LRRC43: variants seen among roughly 807,000 people sequenced by gnomAD.
The protein encoded by LRRC43 is leucine-rich repeat-containing protein 43.
LRRC43 carries 62 observed loss-of-function variants against 64.3 expected under a neutral mutation model. That is an observed-to-expected ratio of 0.96 (90% CI 0.79 to 1.19). The LOEUF (loss-of-function observed/expected upper bound fraction) is 1.19. LRRC43 is among the 50% of genes most tolerant of loss of function. The pLI, the probability that LRRC43 is intolerant of heterozygous loss-of-function variation, is 0.00. For synonymous variants in LRRC43, 422 were observed against 382.3 expected (o/e 1.10, Z -1.21); for missense variants, 868 against 845.0 (o/e 1.03, Z -0.34).
rs899301827 is a variant in LRRC43 at position 122,190,216 on chromosome 12, T to A, written c.749T>A (p.Leu250Gln). The A allele has an allele frequency of 4.3e-6, 7 of 1,614,100 alleles. No homozygotes were observed. Among genetic ancestry groups the A allele is most frequent in the Middle Eastern group, 1.7e-4 (1 of 6,060 alleles). ...ACCAGCCTGAGGACCCTCCGGCACC[T>A]GCGACTCCTGGTGCTGCAGGGAAAC... ...MVTSLRTLRH[L>Q]RLLVLQGNPL... Residue 250 changes from leucine (L) to glutamine (Q), a missense_variant, in exon 5 of 12, where the codon CTG (leucine) becomes CAG (glutamine). Leu to Gln is a moderately radical substitution (Grantham distance 113). Coordinates refer to ENST00000339777, the MANE Select transcript of LRRC43 (RefSeq NM_001098519.2).
chr12:122,176,028 G>A (rs140898741), intron 1 of LRRC43, among the ~76,000 whole-genome samples: 22 of 152,274 alleles, frequency 1.4e-4, no homozygotes, highest in African/African-American at 4.6e-4. Context: ...CGGGAATAGC[G>A]GTGAAGAAGT....
chr12:122,189,453 G>A (rs781227103), intron 4 of LRRC43: 10 of 456,568 alleles, frequency 2.2e-5, no homozygotes, highest in East Asian at 1.4e-4. Context: ...TGCTGACAGC[G>A]GCCGCTTGTG....
At chr12:122,193,846 C>A (rs1032540419) in intron 7 of LRRC43, among the ~76,000 whole-genome samples, 10 of 152,228 alleles carry the variant, frequency 6.6e-5, no homozygotes, top group Non-Finnish European at 1.2e-4. Context: ...AGGCGTCAGC[C>A]ATCGCGCCCA....
intron 1 of LRRC43, among the ~76,000 whole-genome samples, chr12:122,176,694 G>A (rs183546456): frequency 6.6e-6 from 1 of 150,776 alleles, no homozygotes; most frequent in East Asian, 1.9e-4. Flanking sequence ...TCACTTTGTC[G>A]CACAGGCAGG....
At chr12:122,182,566 G>A (rs1953591789), upstream of LRRC43, among the ~76,000 whole-genome samples, 1 of 142,738 alleles carries the variant, frequency 7.0e-6, no homozygotes, top group Admixed American at 6.9e-5. Flanking sequence ...GGTCATGCGC[G>A]CCTGTAATCC....
rs1044858399 is a variant in LRRC43, at chr12:122,199,106, G to C, written c.1350-1083G>C. ...TTCAACTTGGACATACTTTAAATTTGTTGGAGTATATTATTAATTCTCCTT... is the reference window on the plus strand; with the variant it reads ...TTCAACTTGGACATACTTTAAATTTCTTGGAGTATATTATTAATTCTCCTT... On this transcript the variant is annotated intron_variant, in intron 7 of 11. Transcript: ENST00000339777. Among the ~76,000 whole-genome samples, 7 of 149,032 alleles carry C rather than the reference G, an allele frequency of 4.7e-5. 1 individual carries two copies. The highest frequency in any genetic ancestry group is 4.2e-4 in the South Asian group (2 of 4,712).
In LRRC43 at chr12:122,200,451, T is replaced by C. The variant is rs1196697726; in HGVS notation, c.1492-81T>C. On this transcript the variant is annotated intron_variant, in intron 8 of 11. Coordinates refer to ENST00000339777, the MANE Select transcript of LRRC43 (RefSeq NM_001098519.2). This position sits in a 1 kb window ranked among gnomAD's most constrained non-coding sequence, Gnocchi z 4.6. ...CTGGTTAGATGAGTTCTCAGCGCCA[T>C]TCCAGAAAGGGTGAGGGAGAGGTGA... is the stretch of plus-strand genomic sequence containing the variant. The C allele has an allele frequency of 1.2e-6, 2 of 1,610,794 alleles. No homozygotes were observed. Among genetic ancestry groups the C allele is most frequent in the South Asian group, 1.1e-5 (1 of 90,766 alleles).
At chr12:122,185,864 G>T (rs1953637512) in intron 2 of LRRC43, among the ~76,000 whole-genome samples, 1 of 152,208 alleles carries the variant, frequency 6.6e-6, no homozygotes, top group Admixed American at 6.5e-5. Context: ...ACTGACTTCA[G>T]TGCCCAGAGT....
At chr12:122,174,162 T>C (rs1158007616) in intron 1 of LRRC43, 1 of 1,613,852 alleles carries the variant, frequency 6.2e-7, no homozygotes. Flanking sequence ...GATACCTGAG[T>C]GAGAGGCCAT....
At chr12:122,188,032 G>C (rs899599850) in intron 4 of LRRC43, 192 bp downstream of exon 4, 20 of 582,244 alleles carry the variant, frequency 3.4e-5, no homozygotes, top group African/African-American at 1.5e-4. Context: ...GCCCGGGGAA[G>C]GAGAACAAGA....
At chr12:122,182,928 G>A, upstream of LRRC43, 1 of 648,986 alleles carries the variant, frequency 1.5e-6, no homozygotes, top group South Asian at 2.1e-5. Context: ...AAACAGGTCA[G>A]CTATGGCGCT....
chr12:122,183,670 G>A (rs1953607437), intron 1 of LRRC43, among the ~76,000 whole-genome samples: 1 of 152,192 alleles, frequency 6.6e-6, no homozygotes, highest in Non-Finnish European at 1.5e-5. Context: ...TGTGAGAGGT[G>A]GCTCAGCCTG....
At chr12:122,193,345 C>T (rs990757114) in intron 7 of LRRC43, among the ~76,000 whole-genome samples, 53 of 139,104 alleles carry the variant, frequency 3.8e-4, no homozygotes, top group Admixed American at 1.1e-3. Flanking sequence ...CGTGCCACTG[C>T]GCTCCAGCCC....
intron 7 of LRRC43, among the ~76,000 whole-genome samples, chr12:122,195,298 G>T (rs1224530064): frequency 6.6e-6 from 1 of 151,860 alleles, no homozygotes; most frequent in African/African-American, 2.4e-5. Flanking sequence ...GCCCAGGGTG[G>T]AGTGCCGTGG....
chr12:122,184,504 C>A lies in LRRC43; in HGVS notation c.151-15C>A. 6.2e-7 allele frequency: 1 copy of A among 1,611,128 alleles called. No homozygotes were observed. On this transcript the variant is annotated splice_polypyrimidine_tract_variant and intron_variant, in intron 1 of 11. Transcript: ENST00000339777. The surrounding 1 kb of genome is among the most constrained non-coding windows in gnomAD (Gnocchi z 4.0). ...TGTGTCACACCTACAGAAAATCCCT[C>A]CTCTGCCACTGCAGAATAAGTCGCG...
rs1050682436 is a variant in LRRC43 at position 122,192,765 on chromosome 12, C to T, written c.1110C>T (p.Ser370=). ...VLAEIVKPSP[S]LELLVEESPE... ...TGCAGATCGTCAAGCCCTCTCCCAG[C>T]TTAGAATTATTAGTTGAGGAATCTC... Residue 370 remains serine (S), a synonymous_variant, in exon 7 of 12, where the codon AGC becomes AGT. Transcript: ENST00000339777. 1.9e-6 allele frequency: 3 copies of T among 1,613,930 alleles called. No individual in the cohort carries two copies. The highest frequency in any genetic ancestry group is 2.7e-5 in the African/African-American group (2 of 75,002).
rs1953836132 is a variant in LRRC43 at position 122,201,296 on chromosome 12, G to T, written c.1810G>T (p.Asp604Tyr). Residue 604 changes from aspartate (D) to tyrosine (Y), a missense_variant and splice_region_variant, in exon 11 of 12, where the codon GAT becomes TAT. Transcript: ENST00000339777. The stretch of plus-strand genomic sequence containing the variant: ...CTCGTTTTGTGGTTCTTTCTCTCAG[G>T]ATTCAAAGAAGATTAAGAAAGTTGC... ...LTSDRLTLAR[D>Y]SKKIKKVAKK... 1 of 1,613,966 alleles carries T rather than the reference G, an allele frequency of 6.2e-7. No homozygotes were observed.
At chr12:122,186,693 T>C (rs1054926436) in intron 3 of LRRC43, among the ~76,000 whole-genome samples, 19 of 151,828 alleles carry the variant, frequency 1.3e-4, no homozygotes, top group Admixed American at 5.9e-4. Flanking sequence ...CCGAGGCAGG[T>C]GGATCACCTG....
At chr12:122,182,679 C>A (rs915886544), upstream of LRRC43, among the ~76,000 whole-genome samples, 11 of 151,838 alleles carry the variant, frequency 7.2e-5, no homozygotes, top group African/African-American at 2.4e-4. Context: ...GGCGACAGAG[C>A]GAGACTCTGT....
Sources: gnomAD v4.1 joint callset for allele counts (sites outside exome capture counted in the v4.1 genomes callset) on GRCh38, gnomAD v4.1.1 for gene constraint, Gnocchi (gnomAD v3.1) non-coding constraint, MANE v1.5 for transcripts, NCBI Gene and HGNC (gene_info 2026-07-23, HGNC 2026-07-21) for gene names.